The following ZFYVE9 variants were observed in gnomAD, a reference collection of about 807,000 sequenced individuals.
The protein encoded by ZFYVE9 is zinc finger FYVE-type containing 9.
In ZFYVE9, 43 loss-of-function variants were observed where a neutral mutation model predicts 126.7. That is an observed-to-expected ratio of 0.34 (90% confidence interval 0.27 to 0.44). The LOEUF is 0.44. Ranked by LOEUF, ZFYVE9 falls within the 20% of genes least tolerant of loss-of-function variation. The pLI, the probability that ZFYVE9 is intolerant of heterozygous loss-of-function variation, is 1.00. For synonymous variants in ZFYVE9, 521 were observed against 597.4 expected, an observed-to-expected ratio of 0.87 and a Z score of 1.87; for missense variants, 1,476 against 1,697.0, an observed-to-expected ratio of 0.87 and a Z score of 2.29.
At chr1:52,321,783 G>A (rs1001873880) in intron 13 of ZFYVE9, among the ~76,000 whole-genome samples, 3 of 152,142 alleles carry the variant, frequency 2.0e-5, no homozygotes, top group African/African-American at 7.2e-5. Flanking sequence ...GACTCCTAGG[G>A]CATCCCTCAT....
chr1:52,194,418 T>G lies in ZFYVE9; in HGVS notation c.-142-21951T>G, dbSNP rs998074460. On this transcript the variant is annotated intron_variant, in intron 1 of 18. Coordinates refer to ENST00000287727, the MANE Select transcript of ZFYVE9 (RefSeq NM_004799.4). ...TCAAACATTAAACTGAGACTAAGATTCTAAACATGATACATATAAGGAATA... is the reference window on the plus strand; with the variant it reads ...TCAAACATTAAACTGAGACTAAGATGCTAAACATGATACATATAAGGAATA... Among the ~76,000 whole-genome samples, 5 of 152,120 alleles carry G rather than the reference T, an allele frequency of 3.3e-5. No homozygotes were observed. In the East Asian group the frequency reaches 9.6e-4, roughly 29 times the overall value.
intron 10 of ZFYVE9, among the ~76,000 whole-genome samples, chr1:52,284,130 AT>A (rs999865630): frequency 6.6e-6 from 1 of 152,160 alleles, no homozygotes; most frequent in Non-Finnish European, 1.5e-5. Flanking sequence ...TGAATAACAG[AT>A]TTGGCAGAGG....
chr1:52,328,308 T>G (rs1362369481), intron 13 of ZFYVE9, among the ~76,000 whole-genome samples: 2 of 152,206 alleles, frequency 1.3e-5, no homozygotes, highest in Non-Finnish European at 2.9e-5. Context: ...AAAATAGGTA[T>G]AGATACAAGA....
At chr1:52,233,791 T>C (rs948292226) in intron 3 of ZFYVE9, among the ~76,000 whole-genome samples, 1 of 152,168 alleles carries the variant, frequency 6.6e-6, no homozygotes, top group Non-Finnish European at 1.5e-5. Flanking sequence ...CTTTTGTTTG[T>C]TTGTTGGTTG....
intron 12 of ZFYVE9, among the ~76,000 whole-genome samples, chr1:52,300,139 C>G (rs1646019438): frequency 6.6e-6 from 1 of 152,138 alleles, no homozygotes; most frequent in Non-Finnish European, 1.5e-5. Context: ...TTCAGCACTC[C>G]CCTGGTGCTC....
At chr1:52,325,710 T>C (rs538974627) in intron 13 of ZFYVE9, among the ~76,000 whole-genome samples, 48 of 152,324 alleles carry the variant, frequency 3.2e-4, no homozygotes, top group African/African-American at 1.1e-3. Context: ...TCAGCAAGTA[T>C]TTATGGAGTG....
intron 1 of ZFYVE9, among the ~76,000 whole-genome samples, chr1:52,143,550 A>G (rs1644280987): frequency 6.6e-6 from 1 of 152,254 alleles, no homozygotes; most frequent in Admixed American, 6.5e-5. Context: ...ATTTAATAAT[A>G]GGAGAAATCA....
At chr1:52,144,620 C>A (rs989951929) in intron 1 of ZFYVE9, among the ~76,000 whole-genome samples, 6 of 150,508 alleles carry the variant, frequency 4.0e-5, no homozygotes, top group Non-Finnish European at 8.9e-5. Context: ...TGGCAATAGT[C>A]ATTTCTTTCT....
intron 10 of ZFYVE9, among the ~76,000 whole-genome samples, chr1:52,285,196 T>C (rs1645845934): frequency 6.6e-6 from 1 of 152,184 alleles, no homozygotes; most frequent in African/African-American, 2.4e-5. Context: ...ATATCAGTTC[T>C]TAAAAACACA....
At chr1:52,163,652 A>G (rs1644483387) in intron 1 of ZFYVE9, among the ~76,000 whole-genome samples, 1 of 152,142 alleles carries the variant, frequency 6.6e-6, no homozygotes, top group South Asian at 2.1e-4. Context: ...CACATATTTC[A>G]TTATTGTGCC....
At chr1:52,271,962 C>T (rs552794068) in intron 7 of ZFYVE9, among the ~76,000 whole-genome samples, 3 of 152,250 alleles carry the variant, frequency 2.0e-5, no homozygotes, top group East Asian at 1.9e-4. Context: ...GCCTCAGCCT[C>T]CTGGGTAGCT....
At chr1:52,311,611 C>T (rs1212493562) in intron 13 of ZFYVE9, among the ~76,000 whole-genome samples, 1 of 152,038 alleles carries the variant, frequency 6.6e-6, no homozygotes, top group Admixed American at 6.6e-5. Flanking sequence ...GGGTTAATCT[C>T]TCTTCTGGAA....
intron 1 of ZFYVE9, among the ~76,000 whole-genome samples, chr1:52,145,574 A>C (rs540664789): frequency 6.6e-6 from 1 of 152,280 alleles, no homozygotes; most frequent in East Asian, 1.9e-4. Context: ...CTTATGTACT[A>C]TTGGGGTAAC....
intron 1 of ZFYVE9, among the ~76,000 whole-genome samples, chr1:52,185,291 TAAG>T (rs1644754886): frequency 6.6e-6 from 1 of 152,138 alleles, no homozygotes; most frequent in Non-Finnish European, 1.5e-5. Flanking sequence ...TATCCTCATT[TAAG>T]AAGAGAAAAA....
intron 4 of ZFYVE9, 120 bp downstream of exon 4, chr1:52,239,715 T>C (rs753368816): frequency 4.0e-4 from 449 of 1,109,294 alleles, no homozygotes; most frequent in Non-Finnish European, 5.2e-4. Flanking sequence ...AATAGCATTT[T>C]TGAAAACCCA....
chr1:52,213,401 A>G (rs1004066427), intron 1 of ZFYVE9, among the ~76,000 whole-genome samples: 1 of 152,194 alleles, frequency 6.6e-6, no homozygotes, highest in African/African-American at 2.4e-5. Flanking sequence ...CTGTAATCCT[A>G]GCACTTTGGG....
chr1:52,275,230 T>TTTTTTG (rs1261914341), intron 8 of ZFYVE9, among the ~76,000 whole-genome samples: 1 of 152,168 alleles, frequency 6.6e-6, no homozygotes, highest in African/African-American at 2.4e-5. Flanking sequence ...TGGGTAATTT[T>TTTTTTG]TTTTTGTTTT....
chr1:52,169,359 C>T (rs746776470), intron 1 of ZFYVE9, among the ~76,000 whole-genome samples: 2 of 151,754 alleles, frequency 1.3e-5, no homozygotes, highest in Non-Finnish European at 2.9e-5. Flanking sequence ...ATGATTGTGC[C>T]ACTGCTCTCC....
chr1:52,336,906 C>A (rs1256446334), intron 15 of ZFYVE9, among the ~76,000 whole-genome samples: 1 of 142,550 alleles, frequency 7.0e-6, no homozygotes, highest in African/African-American at 2.6e-5. Flanking sequence ...ATGATCGTCC[C>A]TGTGAATAGT....
Sources: allele counts gnomAD v4.1 joint callset (sites outside exome capture counted in the v4.1 genomes callset), GRCh38; gene constraint gnomAD v4.1.1; transcripts MANE v1.5; gene names NCBI Gene and HGNC (gene_info 2026-07-23, HGNC 2026-07-21).